The following LIN28B variants were observed in gnomAD, a reference collection of about 807,000 sequenced individuals.
The protein encoded by LIN28B is protein lin-28 homolog B.
In LIN28B, 5 loss-of-function variants were observed where a neutral mutation model predicts 21.9. The observed-to-expected ratio is 0.23, with a 90% confidence interval of 0.12 to 0.48. The LOEUF (loss-of-function observed/expected upper bound fraction) is 0.48, where lower values mean the gene tolerates loss of function less well. LIN28B is among the 20% of genes least tolerant of loss of function. LIN28B has a pLI of 0.98. For synonymous variants in LIN28B, 109 were observed against 111.3 expected, an observed-to-expected ratio of 0.98 and a Z score of 0.13; for missense variants, 245 against 310.5, an observed-to-expected ratio of 0.79 and a Z score of 1.58.
intron 2 of LIN28B, among the ~76,000 whole-genome samples, chr6:105,006,850 A>G (rs1770826503): frequency 6.6e-6 from 1 of 152,170 alleles, no homozygotes. Flanking sequence ...AAAGTACCTA[A>G]GCTATTTTTA....
At position 105,059,704 on chromosome 6, in the gene LIN28B, A is replaced by T. The variant is rs539946442; in HGVS notation, c.384-18710A>T. ...TGGGTGCCCGTTACTCTGAAATATT[A>T]CTAAAATGTATGACAATACTATTTG... On this transcript the variant is annotated intron_variant, in intron 3 of 3. Transcript: ENST00000345080. Among the ~76,000 whole-genome samples the T allele has an allele frequency of 8.5e-5, 13 of 152,312 alleles. No individual in the cohort carries two copies. The South Asian group carries it at 2.7e-3, about 32-fold the overall frequency.
chr6:104,993,191 G>A (rs912165984), intron 2 of LIN28B, among the ~76,000 whole-genome samples: 2 of 152,064 alleles, frequency 1.3e-5, no homozygotes, highest in African/African-American at 2.4e-5. Context: ...TGCTGTTGGG[G>A]CCCAGCATGG....
intron 2 of LIN28B, among the ~76,000 whole-genome samples, chr6:105,011,813 C>T (rs1284221215): frequency 6.6e-6 from 1 of 151,674 alleles, no homozygotes; most frequent in African/African-American, 2.4e-5. Flanking sequence ...CCATTGCACT[C>T]CAACCTGGGT....
chr6:104,974,003 T>C (rs1195120844), intron 2 of LIN28B, among the ~76,000 whole-genome samples: 1 of 152,246 alleles, frequency 6.6e-6, no homozygotes, highest in Non-Finnish European at 1.5e-5. Context: ...TGTACATCAT[T>C]TGTCATCTGA....
intron 3 of LIN28B, among the ~76,000 whole-genome samples, chr6:105,035,283 G>C (rs1163926128): frequency 6.6e-6 from 1 of 152,086 alleles, no homozygotes; most frequent in Non-Finnish European, 1.5e-5. Flanking sequence ...AGATGATAGA[G>C]ATGTTTGAAA....
chr6:104,969,087 A>AT (rs544838015), intron 2 of LIN28B, among the ~76,000 whole-genome samples: 43 of 151,396 alleles, frequency 2.8e-4, no homozygotes, highest in Admixed American at 1.3e-3. Flanking sequence ...TAAGCCATAC[A>AT]TTTTTTTTTA....
At chr6:104,940,777 C>G (rs1449992184) in intron 2 of LIN28B, 1 of 151,660 alleles carries the variant, frequency 6.6e-6, no homozygotes, top group Non-Finnish European at 1.5e-5. Context: ...GGATTCCGTG[C>G]CCGGTGGCCG....
rs938500749 is a variant in LIN28B, at chr6:105,065,038, GGGGATTCTCCA to G, written c.384-13368_384-13358del. Among the ~76,000 whole-genome samples, 33 of 152,282 alleles carry G rather than the reference GGGGATTCTCCA, an allele frequency of 2.2e-4. No homozygotes were observed. The East Asian group carries it at 6.2e-3, about 28-fold the overall frequency. ...TTGTATAAACAATCTGGTTCTATCT[GGGGATTCTCCA>G]GGGATTCAACGGCTCTTCCCATACT... On this transcript the variant is annotated intron_variant, in intron 3 of 3. Transcript: ENST00000345080.
rs575552683 is a variant in LIN28B at position 104,959,041 on chromosome 6, G to C, written c.198+755G>C. 3.3e-5 allele frequency among the ~76,000 whole-genome samples: 5 copies of C among 152,218 alleles called. No individual in the cohort carries two copies. In the South Asian group the frequency reaches 8.3e-4, roughly 25 times the overall value. The stretch of plus-strand genomic sequence containing the variant: ...GTAAATTTCCACCTTTGCTCGTATT[G>C]TGTTGTAATTTTTAAAGATGTTTTA... On this transcript the variant is annotated intron_variant, in intron 2 of 3. Transcript: ENST00000345080.
At chr6:104,995,006 C>T (rs1222742621) in intron 2 of LIN28B, among the ~76,000 whole-genome samples, 1 of 152,140 alleles carries the variant, frequency 6.6e-6, no homozygotes, top group Non-Finnish European at 1.5e-5. Context: ...AACTTACTGT[C>T]CAAAGGAAAT....
chr6:105,037,554 C>T (rs1210456516), intron 3 of LIN28B, among the ~76,000 whole-genome samples: 1 of 149,214 alleles, frequency 6.7e-6, no homozygotes, highest in Non-Finnish European at 1.5e-5. Context: ...ACTCTGTCAC[C>T]CAGGCTGCAG....
chr6:104,958,669 G>C (rs1319164425), intron 2 of LIN28B, among the ~76,000 whole-genome samples: 1 of 152,112 alleles, frequency 6.6e-6, no homozygotes, highest in African/African-American at 2.4e-5. Context: ...AAAAAACAAA[G>C]CGAAACAGTT....
intron 2 of LIN28B, among the ~76,000 whole-genome samples, chr6:104,995,544 AT>A (rs936947963): frequency 2.0e-4 from 30 of 152,300 alleles, no homozygotes; most frequent in Non-Finnish European, 1.5e-4. Flanking sequence ...AGTTATAGAT[AT>A]GGGAATCATC....
chr6:105,005,893 C>G (rs1025407281), intron 2 of LIN28B, among the ~76,000 whole-genome samples: 4 of 152,142 alleles, frequency 2.6e-5, no homozygotes, highest in Non-Finnish European at 1.5e-5. Flanking sequence ...TTAAATTTCT[C>G]TAATAATAGT....
upstream of LIN28B, among the ~76,000 whole-genome samples, chr6:104,956,145 C>T (rs142491584): frequency 6.6e-6 from 1 of 152,044 alleles, no homozygotes; most frequent in Non-Finnish European, 1.5e-5. Context: ...CACCCCCTGC[C>T]CGCGCCGGCT....
rs756996992 is a variant in LIN28B at position 104,958,175 on chromosome 6, C to T, written c.87C>T (p.Arg29=). The T allele has an allele frequency of 3.7e-6, 6 of 1,607,150 alleles. No individual in the cohort carries two copies. Among genetic ancestry groups the T allele is most frequent in the Non-Finnish European group, 5.1e-6 (6 of 1,174,850 alleles). ...CAGAGGAGGAATCCCAGGTTTTGCGCGGAACTGGCCACTGTAAGTGGTTCA... is the reference window on the plus strand; with the variant it reads ...CAGAGGAGGAATCCCAGGTTTTGCGTGGAACTGGCCACTGTAAGTGGTTCA... ...EPAEEESQVL[R]GTGHCKWFNV... is the part of the protein sequence containing the mutation. The change falls in exon 2 of 4, where the codon CGC becomes CGT. Residue 29 remains arginine (R), a synonymous_variant. Coordinates refer to ENST00000345080, the MANE Select transcript of LIN28B (RefSeq NM_001004317.4).
intron 2 of LIN28B, among the ~76,000 whole-genome samples, chr6:104,949,766 C>A (rs1778198910): frequency 6.6e-6 from 1 of 152,034 alleles, no homozygotes. Flanking sequence ...TACTGTGTGG[C>A]CTCTTTATTG....
At chr6:105,026,585 A>G (rs1346133898) in intron 3 of LIN28B, 103 bp downstream of exon 3, 1 of 716,310 alleles carries the variant, frequency 1.4e-6, no homozygotes, top group Non-Finnish European at 2.4e-6. Flanking sequence ...GCCAAAGGAA[A>G]CCACCATCAT....
chr6:104,956,774 T>C (rs1347041831), upstream of LIN28B, among the ~76,000 whole-genome samples: 2 of 152,182 alleles, frequency 1.3e-5, no homozygotes, highest in African/African-American at 4.8e-5. Context: ...CAGGCTTGTG[T>C]GTAAGGCACG....
Sources: allele counts gnomAD v4.1 joint callset (sites outside exome capture counted in the v4.1 genomes callset), GRCh38; gene constraint gnomAD v4.1.1; transcripts MANE v1.5; gene names NCBI Gene and HGNC (gene_info 2026-07-23, HGNC 2026-07-21).